RAB17: variants seen among roughly 807,000 people sequenced by gnomAD.
The protein encoded by RAB17 is ras-related protein Rab-17.
RAB17 carries 15 observed loss-of-function variants against 19.3 expected under a neutral mutation model. The observed-to-expected ratio is 0.78, with a 90% confidence interval of 0.52 to 1.20. The LOEUF (loss-of-function observed/expected upper bound fraction) is 1.20. Among genes scored for constraint, RAB17 ranks in the 50% most tolerant of loss-of-function variants. RAB17 has a pLI of 0.00. For missense variants in RAB17, 262 were observed against 269.3 expected (o/e 0.97, Z 0.19); for synonymous variants, 110 against 112.8 (o/e 0.97, Z 0.16).
chr2:237,585,013 G>C (rs2081338609), intron 2 of RAB17, among the ~76,000 whole-genome samples: 1 of 152,216 alleles, frequency 6.6e-6, no homozygotes, highest in Non-Finnish European at 1.5e-5. Flanking sequence ...CAATTCCCCT[G>C]TATCCCCTGG....
chr2:237,587,130 T>C (rs891872171), intron 1 of RAB17, among the ~76,000 whole-genome samples: 2 of 152,232 alleles, frequency 1.3e-5, no homozygotes, highest in Non-Finnish European at 2.9e-5. Flanking sequence ...AAGATTGCCA[T>C]GAGAGTGTGC....
chr2:237,590,265 G>A (rs762880783), intron 1 of RAB17, among the ~76,000 whole-genome samples: 4 of 151,938 alleles, frequency 2.6e-5, no homozygotes, highest in African/African-American at 4.8e-5. Flanking sequence ...TCAGAAATCT[G>A]AACTAGGAAG....
chr2:237,587,071 C>A (rs771627584), intron 1 of RAB17, among the ~76,000 whole-genome samples: 7 of 152,032 alleles, frequency 4.6e-5, no homozygotes, highest in Admixed American at 2.6e-4. Context: ...TTTTTGATAC[C>A]GCGGTGGTTC....
At chr2:237,578,900 A>AACACACACACACACAC (rs59320284) in intron 2 of RAB17, 128 of 143,216 alleles carry the variant, frequency 8.9e-4, no homozygotes, top group African/African-American at 3.0e-3. Context: ...GTACCTGCTT[A>AACACACACACACACAC]ACACACACAC....
intron 2 of RAB17, among the ~76,000 whole-genome samples, chr2:237,581,932 C>T (rs1368960312): frequency 2.0e-5 from 3 of 152,280 alleles, no homozygotes; most frequent in African/African-American, 2.4e-5. Flanking sequence ...AAGTCAGCAG[C>T]GCACAGAATC....
In RAB17 at chr2:237,578,152, G is replaced by T; in HGVS notation, c.161C>A (p.Ala54Glu). Residue 54 changes from alanine to glutamate, a missense_variant, in exon 3 of 6, where the codon GCG becomes GAG. Physicochemically the swap from Ala to Glu is moderately radical, Grantham distance 107. Transcript: ENST00000264601. Reference sequence around the variant, plus strand: ...CACATCCACCACCTTTGTGAAGAACGCACCTGAAACAGGGAGGCCCAGAGG... The same window carrying T: ...CACATCCACCACCTTTGTGAAGAACTCACCTGAAACAGGGAGGCCCAGAGG... ...FKSILPTVGC[A>E]FFTKVVDVGA... 1.9e-6 allele frequency: 3 copies of T among 1,608,880 alleles called. No individual in the cohort carries two copies. The highest frequency in any genetic ancestry group is 1.1e-5 in the South Asian group (1 of 90,876).
Position 237,574,924 on chromosome 2 carries a change from G to A in RAB17, c.*95C>T, listed in dbSNP as rs1233246652. On this transcript the variant is annotated 3_prime_UTR_variant, in exon 6 of 6. Coordinates refer to ENST00000264601, the MANE Select transcript of RAB17 (RefSeq NM_022449.4). Reference sequence around the variant, plus strand: ...TTCCAGGAACATCTAGGGCTCGGGAGCAACCCAGCATTGACAGTGAATCAG... The same window carrying A: ...TTCCAGGAACATCTAGGGCTCGGGAACAACCCAGCATTGACAGTGAATCAG... The A allele has an allele frequency of 4.8e-6, 5 of 1,033,812 alleles. No individual in the cohort carries two copies. The highest frequency in any genetic ancestry group is 1.9e-5 in the South Asian group (1 of 53,118). The allele number at this position is 1,033,812 out of a possible 1,614,324, so 64.0% of individuals were successfully genotyped here.
At chr2:237,583,200 T>C (rs1276033124) in intron 2 of RAB17, among the ~76,000 whole-genome samples, 1 of 152,182 alleles carries the variant, frequency 6.6e-6, no homozygotes, top group Non-Finnish European at 1.5e-5. Context: ...TAGCTGGCTA[T>C]GGTGGTGCGC....
At chr2:237,586,757 T>C (rs569360569) in intron 1 of RAB17, among the ~76,000 whole-genome samples, 8 of 152,250 alleles carry the variant, frequency 5.3e-5, no homozygotes, top group African/African-American at 1.9e-4. Context: ...TTTTTCATCA[T>C]AGAAACTTTC....
intron 3 of RAB17, chr2:237,577,797 G>A (rs72990120): frequency 0.11 from 64,647 of 595,376 alleles, 4,037 homozygotes; most frequent in Non-Finnish European, 0.13. Context: ...AGATGGCAAC[G>A]GCATGTTCTT....
intron 2 of RAB17, among the ~76,000 whole-genome samples, chr2:237,583,656 CG>C (rs1400058018): frequency 6.6e-6 from 1 of 152,214 alleles, no homozygotes; most frequent in Non-Finnish European, 1.5e-5. Flanking sequence ...CGTTGTGCCA[CG>C]GGCCACAGCC....
Position 237,574,648 on chromosome 2 carries a change from C to T in RAB17, c.*371G>A. On this transcript the variant is annotated 3_prime_UTR_variant, in exon 6 of 6. Coordinates refer to ENST00000264601, the MANE Select transcript of RAB17 (RefSeq NM_022449.4). Reference sequence around the variant, plus strand: ...CCAGGCTCCAGGCCAGTGCCCCCATCAAGATCAGACGTAAGGCATCTTCCC... The same window carrying T: ...CCAGGCTCCAGGCCAGTGCCCCCATTAAGATCAGACGTAAGGCATCTTCCC... 6.7e-7 allele frequency: 1 copy of T among 1,484,324 alleles called. No homozygotes were observed. The highest frequency in any genetic ancestry group is 9.0e-7 in the Non-Finnish European group (1 of 1,114,852). 91.9% of individuals were successfully genotyped at this position (1,484,324 alleles called of 1,614,324 possible). A position where few individuals can be genotyped will look rare whatever the true frequency, so the allele number is the denominator to read the frequency against.
chr2:237,584,530 G>A (rs922300554), intron 2 of RAB17, among the ~76,000 whole-genome samples: 7 of 152,156 alleles, frequency 4.6e-5, no homozygotes, highest in African/African-American at 1.7e-4. Context: ...CAGAGGGTAA[G>A]TACCTGAAGA....
chr2:237,575,746 C>G, intron 4 of RAB17: 1 of 474,954 alleles, frequency 2.1e-6, no homozygotes. Context: ...AAGTCCCCAC[C>G]CCCAGGTTCC....
At position 237,574,804 on chromosome 2, in the gene RAB17, A is replaced by G. The variant is rs2081247867; in HGVS notation, c.*215T>C. 2.2e-6 allele frequency: 2 copies of G among 923,536 alleles called. No individual in the cohort carries two copies. Among genetic ancestry groups the G allele is most frequent in the Non-Finnish European group, 3.1e-6 (2 of 645,300 alleles). 57.2% of individuals were successfully genotyped at this position (923,536 alleles called of 1,614,324 possible). On this transcript the variant is annotated 3_prime_UTR_variant, in exon 6 of 6. Transcript: ENST00000264601. ...GGAATCAGATGGTATCAGTGGGGAT[A>G]GGGCACAGCACTTTCCTGGGAGCCA...
At chr2:237,580,764 A>G (rs796288762) in intron 2 of RAB17, among the ~76,000 whole-genome samples, 36 of 148,396 alleles carry the variant, frequency 2.4e-4, no homozygotes, top group African/African-American at 8.7e-4. Flanking sequence ...AAGGGGGGGG[A>G]GGAGGGGAGG....
At chr2:237,582,350 G>C (rs953038626) in intron 2 of RAB17, among the ~76,000 whole-genome samples, 2 of 152,216 alleles carry the variant, frequency 1.3e-5, no homozygotes, top group Non-Finnish European at 2.9e-5. Flanking sequence ...CCTCCTGAAG[G>C]CTGACCCCTC....
chr2:237,575,106 G>A lies in RAB17; in HGVS notation c.552C>T (p.Ser184=), dbSNP rs148349183. Residue 184 remains serine, a synonymous_variant, in exon 6 of 6, where the codon AGC becomes AGT. Coordinates refer to ENST00000264601, the MANE Select transcript of RAB17 (RefSeq NM_022449.4). Reference sequence around the variant, plus strand: ...CCCGTAGAGCCTGGCCCTCCTCGTCGCTTCTCTGCAGTAGCTCTTGGGCTG... The same window carrying A: ...CCCGTAGAGCCTGGCCCTCCTCGTCACTTCTCTGCAGTAGCTCTTGGGCTG... ...NTVAQELLQR[S]DEEGQALRGD... is the part of the protein sequence containing the mutation. 263 of 1,613,400 alleles carry A rather than the reference G, an allele frequency of 1.6e-4. 1 individual carries two copies. The South Asian group carries it at 1.8e-3, about 11-fold the overall frequency.
intron 1 of RAB17, among the ~76,000 whole-genome samples, chr2:237,589,128 G>A (rs2081372581): frequency 6.6e-6 from 1 of 151,170 alleles, no homozygotes; most frequent in African/African-American, 2.5e-5. Flanking sequence ...GCTGAGGCAG[G>A]AAAATCGCTT....
Sources: gnomAD v4.1 joint callset for allele counts (sites outside exome capture counted in the v4.1 genomes callset) on GRCh38, gnomAD v4.1.1 for gene constraint, MANE v1.5 for transcripts, NCBI Gene and HGNC (gene_info 2026-07-23, HGNC 2026-07-21) for gene names.